The following PTPRF variants were observed in gnomAD, a reference collection of about 807,000 sequenced individuals.
The protein encoded by PTPRF is protein tyrosine phosphatase receptor type F, also known as receptor-type tyrosine-protein phosphatase F.
PTPRF carries 59 observed loss-of-function variants against 201.8 expected under a neutral mutation model. The observed-to-expected ratio is 0.29, with a 90% CI of 0.24 to 0.36. PTPRF has a LOEUF of 0.36. Among genes scored for constraint, PTPRF ranks in the 10% least tolerant of loss-of-function variants. The probability of loss-of-function intolerance (pLI) is 1.00; values close to 1 mark genes in which losing one functional copy is unlikely to be tolerated. For missense variants in PTPRF, 2,132 were observed against 2,690.5 expected, an observed-to-expected ratio of 0.79 and a Z score of 4.59; for synonymous variants, 1,088 against 1,089.7, an observed-to-expected ratio of 1.00 and a Z score of 0.03.
Position 43,588,631 on chromosome 1 carries a change from G to T in PTPRF, c.680-100G>T. The T allele has an allele frequency of 2.7e-6, 4 of 1,470,774 alleles. No individual in the cohort carries two copies. Among genetic ancestry groups the T allele is most frequent in the South Asian group, 2.6e-5 (2 of 76,718 alleles). The allele number at this position is 1,470,774 out of a possible 1,614,324, so 91.1% of individuals were successfully genotyped here. A position where few individuals can be genotyped will look rare whatever the true frequency, so the allele number is the denominator to read the frequency against. ...CCCTCCTGTCTCTGAGCATGGGTTT[G>T]GCTCTGACCAGAGGGGCTTCCTGAA... On this transcript the variant is annotated intron_variant, in intron 7 of 33. Transcript: ENST00000359947. This position sits in a 1 kb window ranked among gnomAD's most constrained non-coding sequence, Gnocchi z 5.3.
intron 10 of PTPRF, among the ~76,000 whole-genome samples, 166 bp downstream of exon 10, chr1:43,592,114 G>T (rs1159357064): frequency 6.6e-6 from 1 of 152,148 alleles, no homozygotes; most frequent in Non-Finnish European, 1.5e-5. Flanking sequence ...GGCCCGCACA[G>T]CCTGTATGAA....
chr1:43,531,845 C>A (rs557245857), intron 1 of PTPRF, among the ~76,000 whole-genome samples: 1 of 152,312 alleles, frequency 6.6e-6, no homozygotes, highest in East Asian at 1.9e-4. Flanking sequence ...CGTCCCGTCC[C>A]GTCCCGGCTC....
intron 8 of PTPRF, among the ~76,000 whole-genome samples, chr1:43,589,403 C>A (rs1435498511): frequency 6.8e-6 from 1 of 147,960 alleles, no homozygotes; most frequent in East Asian, 2.1e-4. Flanking sequence ...CCAGTGTGGT[C>A]TGAATCCATA....
chr1:43,552,954 T>G (rs1342402169), intron 3 of PTPRF, among the ~76,000 whole-genome samples: 2 of 152,072 alleles, frequency 1.3e-5, no homozygotes, highest in Admixed American at 6.5e-5. Context: ...GTCTAGGCCT[T>G]TGGGACTGCT....
At chr1:43,612,753 T>G (rs1343937234) in intron 22 of PTPRF, 1 of 1,364,388 alleles carries the variant, frequency 7.3e-7, no homozygotes, top group Admixed American at 1.9e-5. Flanking sequence ...TGTTTGTTTG[T>G]TTTTTTCTCT....
intron 5 of PTPRF, among the ~76,000 whole-genome samples, chr1:43,555,442 C>CTTT (rs986469997): frequency 1.1e-3 from 130 of 115,550 alleles, no homozygotes; most frequent in Non-Finnish European, 1.8e-3. Context: ...TATCATTATT[C>CTTT]TTTTTTTTTT....
chr1:43,607,118 T>C, intron 21 of PTPRF, 150 bp downstream of exon 21: 2 of 1,078,392 alleles, frequency 1.9e-6, no homozygotes, highest in Non-Finnish European at 2.7e-6. Context: ...GCAGGAGCAG[T>C]GTGTGTGCCT....
intron 8 of PTPRF, among the ~76,000 whole-genome samples, chr1:43,589,956 T>C (rs997554265): frequency 1.1e-4 from 17 of 152,122 alleles, no homozygotes; most frequent in African/African-American, 4.1e-4. Context: ...GCTTGAGTGA[T>C]CTTTAAAAAA....
rs923159635 is a variant in PTPRF, at chr1:43,558,524, G to A, written c.379+4583G>A. ...TGGGGGTGCCCAGCACAAGCTGGCC[G>A]GGGTGAGCCTGTCCTGGCTGTGATG... On this transcript the variant is annotated intron_variant, in intron 5 of 33. Transcript: ENST00000359947. Among the ~76,000 whole-genome samples the A allele has an allele frequency of 2.6e-5, 4 of 152,172 alleles. No individual in the cohort carries two copies. In the East Asian group the frequency reaches 5.8e-4, roughly 22 times the overall value.
In PTPRF at chr1:43,591,482, G is replaced by A. The variant is rs773564240; in HGVS notation, c.1460G>A (p.Arg487His). Residue 487 changes from arginine to histidine, a missense_variant, in exon 9 of 34, where the codon CGC (arginine) becomes CAC (histidine). Arg to His is a conservative substitution (Grantham distance 29). Coordinates refer to ENST00000359947, the MANE Select transcript of PTPRF (RefSeq NM_002840.5). ...SLLPGITYSL[R>H]VLAFTAVGDG... ...CTGCCTGGCATCACCTACAGCCTGC[G>A]CGTGCTTGCCTTCACCGCCGTGGGC... The A allele has an allele frequency of 5.6e-6, 9 of 1,598,870 alleles. No homozygotes were observed. Among genetic ancestry groups the A allele is most frequent in the Middle Eastern group, 3.3e-4 (2 of 6,066 alleles).
chr1:43,529,967 C>T (rs1251347271), upstream of PTPRF, among the ~76,000 whole-genome samples: 3 of 151,806 alleles, frequency 2.0e-5, no homozygotes, highest in African/African-American at 7.3e-5. Flanking sequence ...GGGTATTAGT[C>T]AGTCTCTGCT....
At chr1:43,601,175 T>A (rs1336314827) in intron 13 of PTPRF, among the ~76,000 whole-genome samples, 1 of 151,904 alleles carries the variant, frequency 6.6e-6, no homozygotes, top group East Asian at 1.9e-4. Context: ...ACTGTGGGGG[T>A]GCTTGGGCTG....
intron 5 of PTPRF, among the ~76,000 whole-genome samples, chr1:43,565,280 AC>A (rs1296563283): frequency 1.3e-5 from 2 of 151,216 alleles, no homozygotes; most frequent in Non-Finnish European, 1.5e-5. Context: ...TCGACCCCCG[AC>A]CCTCCCCTCG....
chr1:43,604,962 G>A lies in PTPRF; in HGVS notation c.3097G>A (p.Glu1033Lys), dbSNP rs753377322. The A allele has an allele frequency of 6.2e-7, 1 of 1,614,158 alleles. No homozygotes were observed. The highest frequency in any genetic ancestry group is 8.5e-7 in the Non-Finnish European group (1 of 1,180,044). The change falls in exon 17 of 34, where the codon GAG (glutamate) becomes AAG (lysine). Residue 1033 changes from glutamate to lysine, a missense_variant. Physicochemically the swap from Glu to Lys is moderately conservative, Grantham distance 56. Around this residue, in one of 6 missense-constraint regions of PTPRF, gnomAD observed 818 missense variants for 915.3 expected, o/e 0.89. Coordinates refer to ENST00000359947, the MANE Select transcript of PTPRF (RefSeq NM_002840.5). ...AMKTSVLLSW[E>K]VPDSYKSAVP... is the part of the protein sequence containing the mutation. ...GAAGACGTCTGTGCTGCTCAGCTGG[G>A]AGGTTCCCGACTCCTATAAGTCAGC...
chr1:43,532,757 G>C (rs984556150), intron 1 of PTPRF, among the ~76,000 whole-genome samples: 1 of 152,012 alleles, frequency 6.6e-6, no homozygotes, highest in Non-Finnish European at 1.5e-5. Flanking sequence ...ATGAGCCTAG[G>C]GCTTCAAGAA....
chr1:43,551,469 GT>G (rs1373094802), intron 3 of PTPRF, among the ~76,000 whole-genome samples: 3 of 152,116 alleles, frequency 2.0e-5, no homozygotes, highest in Non-Finnish European at 4.4e-5. Context: ...TGGACCTTCT[GT>G]GGTGTCTTCT....
At chr1:43,607,051 G>A (rs1655298513) in intron 21 of PTPRF, 83 bp downstream of exon 21, 1 of 1,547,612 alleles carries the variant, frequency 6.5e-7, no homozygotes, top group African/African-American at 1.3e-5. Context: ...CCTGTGGAGA[G>A]CGTGCAGCCT....
chr1:43,534,730 CAAGA>C lies in PTPRF; in HGVS notation c.-125-3467_-125-3464del, dbSNP rs1643897915. Among the ~76,000 whole-genome samples the C allele has an allele frequency of 2.6e-5, 4 of 152,022 alleles. No individual in the cohort carries two copies. The South Asian group carries it at 8.3e-4, about 32-fold the overall frequency. On this transcript the variant is annotated intron_variant, in intron 1 of 33. Coordinates refer to ENST00000359947, the MANE Select transcript of PTPRF (RefSeq NM_002840.5). The stretch of plus-strand genomic sequence containing the variant: ...TATGGGAGAGAAATGTCGGTCGGAC[CAAGA>C]GAAGCGAGAGCTGTATGAGAGACCA...
intron 5 of PTPRF, among the ~76,000 whole-genome samples, chr1:43,562,931 G>A (rs964716687): frequency 4.6e-5 from 7 of 151,544 alleles, no homozygotes; most frequent in African/African-American, 1.2e-4. Flanking sequence ...TAATCCCAGC[G>A]CTTTGGGAGG....
Sources: gnomAD v4.1 joint callset for allele counts (sites outside exome capture counted in the v4.1 genomes callset) on GRCh38, gnomAD v4.1.1 for gene constraint, gnomAD v4.1.1 regional missense constraint, Gnocchi (gnomAD v3.1) non-coding constraint, MANE v1.5 for transcripts, NCBI Gene and HGNC (gene_info 2026-07-23, HGNC 2026-07-21) for gene names.